The following TMEM117 variants were observed in gnomAD, a reference collection of about 807,000 sequenced individuals.
TMEM117 encodes transmembrane protein 117.
A neutral mutation model predicts 52.4 loss-of-function variants in TMEM117; 27 were observed. The ratio of observed to expected loss-of-function variants is 0.51; its 90% CI spans 0.38 to 0.71. TMEM117 has a LOEUF of 0.71. Ranked by LOEUF, TMEM117 falls within the 30% of genes least tolerant of loss-of-function variation. TMEM117 has a pLI of 0.00. For missense variants in TMEM117, 556 were observed against 630.5 expected, an observed-to-expected ratio of 0.88 and a Z score of 1.26; for synonymous variants, 215 against 206.3, an observed-to-expected ratio of 1.04 and a Z score of -0.36.
downstream of TMEM117, among the ~76,000 whole-genome samples, chr12:44,392,905 A>G (rs1225659893): frequency 6.6e-6 from 1 of 152,082 alleles, no homozygotes; most frequent in Non-Finnish European, 1.5e-5. Context: ...AATCACATCA[A>G]TTTAGAGAGA....
At chr12:43,978,266 G>A (rs904191516) in intron 3 of TMEM117, among the ~76,000 whole-genome samples, 3 of 152,144 alleles carry the variant, frequency 2.0e-5, no homozygotes, top group South Asian at 2.1e-4. Context: ...AAAATAGGAC[G>A]TGTATGTTGA....
At chr12:44,284,601 G>T (rs1257346709) in intron 5 of TMEM117, among the ~76,000 whole-genome samples, 1 of 152,190 alleles carries the variant, frequency 6.6e-6, no homozygotes, top group East Asian at 1.9e-4. Flanking sequence ...GCAATGCACA[G>T]GCCTCTTTGC....
intron 3 of TMEM117, among the ~76,000 whole-genome samples, chr12:44,005,219 A>C (rs376058474): frequency 2.0e-5 from 3 of 152,248 alleles, no homozygotes; most frequent in Non-Finnish European, 4.4e-5. Flanking sequence ...CTCTGTTGCA[A>C]ATAAGTGAAC....
At chr12:44,091,936 C>T (rs570769726) in intron 3 of TMEM117, among the ~76,000 whole-genome samples, 1 of 152,298 alleles carries the variant, frequency 6.6e-6, no homozygotes, top group South Asian at 2.1e-4. Context: ...TCAAATACTA[C>T]ACCCACATTT....
At chr12:44,315,345 C>T (rs78040591) in intron 6 of TMEM117, among the ~76,000 whole-genome samples, 7,300 of 152,188 alleles carry the variant, frequency 0.048, 359 homozygotes, top group African/African-American at 0.12. Context: ...TGATACCAAA[C>T]TGTAAATTTG....
At chr12:44,174,184 C>T (rs183563852) in intron 4 of TMEM117, among the ~76,000 whole-genome samples, 1 of 151,954 alleles carries the variant, frequency 6.6e-6, no homozygotes, top group East Asian at 1.9e-4. Flanking sequence ...TTTTTTTAAC[C>T]AAATGTACTA....
intron 3 of TMEM117, among the ~76,000 whole-genome samples, chr12:44,032,471 G>A (rs1565800247): frequency 6.6e-6 from 1 of 152,122 alleles, no homozygotes; most frequent in African/African-American, 2.4e-5. Flanking sequence ...GTAAAAATCT[G>A]GATCAGTATT....
intron 3 of TMEM117, chr12:44,009,179 A>G (rs1481699431): frequency 1.1e-5 from 3 of 272,696 alleles, no homozygotes; most frequent in African/African-American, 2.3e-5. Flanking sequence ...TACCTTGTGT[A>G]TATCACCATG....
At chr12:44,060,972 AT>A (rs1291961006) in intron 3 of TMEM117, among the ~76,000 whole-genome samples, 3 of 152,130 alleles carry the variant, frequency 2.0e-5, no homozygotes, top group Admixed American at 2.0e-4. Context: ...TGCCTCTCAG[AT>A]TTAGGCACTG....
At chr12:43,831,969 A>T (rs552076802), upstream of TMEM117, among the ~76,000 whole-genome samples, 10 of 152,326 alleles carry the variant, frequency 6.6e-5, no homozygotes, top group African/African-American at 2.2e-4. Context: ...CAGATGATTG[A>T]CTAGTGTGAT....
chr12:44,099,466 TTTAA>T (rs1165590164), intron 3 of TMEM117, among the ~76,000 whole-genome samples: 14 of 152,184 alleles, frequency 9.2e-5, no homozygotes, highest in African/African-American at 2.2e-4. Flanking sequence ...TATGTGGAAG[TTTAA>T]TTATTTACAT....
At chr12:44,005,730 G>A (rs1946183459) in intron 3 of TMEM117, among the ~76,000 whole-genome samples, 1 of 152,178 alleles carries the variant, frequency 6.6e-6, no homozygotes, top group South Asian at 2.1e-4. Flanking sequence ...ATTTTGAATT[G>A]TAACTCCCAC....
intron 3 of TMEM117, among the ~76,000 whole-genome samples, chr12:44,040,644 A>G (rs1055710432): frequency 6.6e-6 from 1 of 152,122 alleles, no homozygotes; most frequent in Non-Finnish European, 1.5e-5. Flanking sequence ...TTCCTGTATT[A>G]TTGCATTGAC....
intron 3 of TMEM117, among the ~76,000 whole-genome samples, chr12:43,994,779 T>C (rs1299822341): frequency 6.6e-6 from 1 of 152,112 alleles, no homozygotes; most frequent in Non-Finnish European, 1.5e-5. Context: ...TTATGTTTGA[T>C]GGAAAATGGT....
At chr12:44,267,481 C>T (rs1032722161) in intron 5 of TMEM117, among the ~76,000 whole-genome samples, 9 of 152,030 alleles carry the variant, frequency 5.9e-5, no homozygotes, top group African/African-American at 2.2e-4. Flanking sequence ...TTGTTCATCC[C>T]CTCTAAAAGT....
intron 4 of TMEM117, among the ~76,000 whole-genome samples, chr12:44,144,377 T>A (rs1463955913): frequency 6.6e-6 from 1 of 152,214 alleles, no homozygotes; most frequent in Non-Finnish European, 1.5e-5. Flanking sequence ...GAGCACTTCA[T>A]TAATACCGTT....
rs368797743 is a variant in TMEM117, at chr12:44,122,271, C to T, written c.411-21254C>T. ...GTGTTAGCCAGGATGGTCTCAATCT[C>T]CTGACCTCGTGATCTGCCTGCCTCG... On this transcript the variant is annotated intron_variant, in intron 3 of 7. Coordinates refer to ENST00000266534, the MANE Select transcript of TMEM117 (RefSeq NM_032256.3). 1.2e-4 allele frequency among the ~76,000 whole-genome samples: 18 copies of T among 152,204 alleles called. No individual in the cohort carries two copies. The East Asian group carries it at 1.4e-3, about 11-fold the overall frequency.
Position 44,211,372 on chromosome 12 carries a change from G to A in TMEM117, c.593G>A (p.Arg198Lys). ...GCTTTCTGGAAGAAAGGAAATGTTA[G>A]GATCACTTTATTCTGGTAGGAAATT... ...ARAFWKKGNV[R>K]ITLFWTVLFT... Residue 198 changes from arginine (R) to lysine (K), a missense_variant, in exon 5 of 8, where the codon AGG becomes AAG. By Grantham distance (26) the Arg-to-Lys change is conservative (BLOSUM62 2). This residue lies in a region of TMEM117 where 328 missense variants were observed against 371.4 expected (regional missense o/e 0.88). Transcript: ENST00000266534. The A allele has an allele frequency of 6.2e-7, 1 of 1,609,428 alleles. No individual in the cohort carries two copies. The highest frequency in any genetic ancestry group is 8.5e-7 in the Non-Finnish European group (1 of 1,177,320).
chr12:43,970,250 G>A (rs771696864), intron 3 of TMEM117, among the ~76,000 whole-genome samples: 2 of 151,732 alleles, frequency 1.3e-5, no homozygotes, highest in African/African-American at 4.8e-5. Context: ...AATGATGGTG[G>A]CCTGTTGTTA....
Sources: gnomAD v4.1 joint callset for allele counts (sites outside exome capture counted in the v4.1 genomes callset) on GRCh38, gnomAD v4.1.1 for gene constraint, gnomAD v4.1.1 regional missense constraint, MANE v1.5 for transcripts, NCBI Gene and HGNC (gene_info 2026-07-23, HGNC 2026-07-21) for gene names.